MTHFD1L: variants seen among roughly 807,000 people sequenced by gnomAD.
MTHFD1L encodes methylenetetrahydrofolate dehydrogenase (NADP+ dependent) 1 like, also known as monofunctional C1-tetrahydrofolate synthase, mitochondrial.
A neutral mutation model predicts 119.5 loss-of-function variants in MTHFD1L; 81 were observed. The ratio of observed to expected loss-of-function variants is 0.68; its 90% confidence interval spans 0.57 to 0.82. The LOEUF (loss-of-function observed/expected upper bound fraction) is 0.82, where lower values mean the gene tolerates loss of function less well. Ranked by LOEUF, MTHFD1L falls within the 40% of genes least tolerant of loss-of-function variation. The probability of loss-of-function intolerance (pLI) is 0.00; values close to 1 mark genes in which losing one functional copy is unlikely to be tolerated. For synonymous variants in MTHFD1L, 430 were observed against 475.2 expected (o/e 0.90, Z 1.24); for missense variants, 1,125 against 1,253.4 (o/e 0.90, Z 1.55).
At chr6:150,868,178 T>G (rs192690363) in intron 1 of MTHFD1L, among the ~76,000 whole-genome samples, 2 of 152,218 alleles carry the variant, frequency 1.3e-5, no homozygotes, top group Admixed American at 1.3e-4. Flanking sequence ...CTTTAGGGCC[T>G]GCACTGGGTT....
chr6:151,099,662 G>T, intron 27 of MTHFD1L: 1 of 1,605,074 alleles, frequency 6.2e-7, no homozygotes, highest in Non-Finnish European at 8.5e-7. Context: ...AACAGGGTTC[G>T]TAGAAGATTC....
At chr6:150,898,536 G>A (rs925487783) in intron 7 of MTHFD1L, among the ~76,000 whole-genome samples, 4 of 152,198 alleles carry the variant, frequency 2.6e-5, no homozygotes. Context: ...CCCCTGCAAC[G>A]GCAGTTTGCA....
At chr6:151,099,979 C>T (rs1795229791) in intron 27 of MTHFD1L, 1 of 808,254 alleles carries the variant, frequency 1.2e-6, no homozygotes, top group Admixed American at 2.0e-5. Flanking sequence ...TAAAAACAGC[C>T]ATCTGGCATC....
chr6:150,908,767 A>G (rs1304369201), intron 8 of MTHFD1L, among the ~76,000 whole-genome samples: 1 of 152,140 alleles, frequency 6.6e-6, no homozygotes, highest in Non-Finnish European at 1.5e-5. Context: ...ATAGTCTACA[A>G]GTTTTAATTT....
chr6:150,997,445 G>C (rs1177826795), intron 20 of MTHFD1L, among the ~76,000 whole-genome samples: 1 of 152,202 alleles, frequency 6.6e-6, no homozygotes, highest in African/African-American at 2.4e-5. Context: ...TAACAGTGAA[G>C]ATGTTTTTCT....
intron 5 of MTHFD1L, among the ~76,000 whole-genome samples, 191 bp from the exon 6 acceptor site, chr6:150,885,443 G>A (rs1583372741): frequency 6.6e-6 from 1 of 152,230 alleles, no homozygotes; most frequent in East Asian, 1.9e-4. Context: ...TGATCCACCC[G>A]CCTCAGCCTC....
intron 21 of MTHFD1L, among the ~76,000 whole-genome samples, chr6:151,011,549 T>C (rs1023513023): frequency 2.0e-5 from 3 of 152,232 alleles, no homozygotes; most frequent in Non-Finnish European, 4.4e-5. Flanking sequence ...TCCCATAGTT[T>C]TCCAGACTCT....
At chr6:151,048,030 C>A (rs1788374702) in intron 26 of MTHFD1L, among the ~76,000 whole-genome samples, 2 of 152,086 alleles carry the variant, frequency 1.3e-5, no homozygotes, top group Admixed American at 1.3e-4. Flanking sequence ...ACAACCAGAT[C>A]TCATGAGAAC....
rs1156899188 is a variant in MTHFD1L, at chr6:151,066,428, A to G, written c.2848-26039A>G. ...ACTCCAGCCTGGGCGACAGAGCAAGACTCCATCTCAAAAAAAAAAAAAAAA... is the reference window on the plus strand; with the variant it reads ...ACTCCAGCCTGGGCGACAGAGCAAGGCTCCATCTCAAAAAAAAAAAAAAAA... On this transcript the variant is annotated intron_variant, in intron 26 of 27. Transcript: ENST00000367321. 3.8e-5 allele frequency among the ~76,000 whole-genome samples: 4 copies of G among 104,498 alleles called. No individual in the cohort carries two copies. The East Asian group carries it at 1.3e-3, about 34-fold the overall frequency. The allele number at this position is 104,498 out of a possible 152,430, so 68.6% of individuals were successfully genotyped here. A position where few individuals can be genotyped will look rare whatever the true frequency, so the allele number is the denominator to read the frequency against.
At chr6:150,922,348 C>T (rs765611586) in intron 10 of MTHFD1L, 46 bp downstream of exon 10, 3 of 1,491,402 alleles carry the variant, frequency 2.0e-6, no homozygotes, top group Non-Finnish European at 2.8e-6. Flanking sequence ...CAGCACAGTG[C>T]CTTAGCCCTA....
chr6:150,943,334 T>A (rs193300372), intron 13 of MTHFD1L, among the ~76,000 whole-genome samples: 491 of 151,974 alleles, frequency 3.2e-3, no homozygotes, highest in Non-Finnish European at 5.3e-3. Flanking sequence ...TTGGTGATAT[T>A]ATCAAGATCC....
At chr6:151,017,174 T>C (rs1308130858) in intron 24 of MTHFD1L, among the ~76,000 whole-genome samples, 1 of 152,134 alleles carries the variant, frequency 6.6e-6, no homozygotes, top group Non-Finnish European at 1.5e-5. Flanking sequence ...AAACTGAAAC[T>C]GTACCCACTG....
intron 26 of MTHFD1L, among the ~76,000 whole-genome samples, chr6:151,072,639 AT>A (rs1200799193): frequency 6.6e-6 from 1 of 151,938 alleles, no homozygotes; most frequent in Admixed American, 6.6e-5. Context: ...AAATACAAAA[AT>A]TAGCCAGGCA....
At chr6:151,005,214 T>C (rs550350002) in intron 20 of MTHFD1L, among the ~76,000 whole-genome samples, 3 of 152,214 alleles carry the variant, frequency 2.0e-5, no homozygotes, top group South Asian at 4.1e-4. Flanking sequence ...TGGGTCTTCA[T>C]ATCAAGGCCC....
In MTHFD1L at chr6:150,904,108, C is replaced by T. The variant is rs1012748271; in HGVS notation, c.781-1542C>T. Among the ~76,000 whole-genome samples the T allele has an allele frequency of 4.6e-5, 7 of 152,170 alleles. 1 individual carries two copies. In the South Asian group the frequency reaches 1.2e-3, roughly 27 times the overall value. On this transcript the variant is annotated intron_variant, in intron 7 of 27. Transcript: ENST00000367321. Reference sequence around the variant, plus strand: ...TTTCTAAAAGGCATCACCTGATGCACCCTTTTGCCCAAATAGTGTTAAAAG... The same window carrying T: ...TTTCTAAAAGGCATCACCTGATGCATCCTTTTGCCCAAATAGTGTTAAAAG...
At chr6:150,887,763 G>C (rs775605064) in intron 6 of MTHFD1L, 82 bp from the exon 7 acceptor site, 30 of 1,429,548 alleles carry the variant, frequency 2.1e-5, no homozygotes, top group Admixed American at 5.2e-5. Context: ...AGCCTAAAAG[G>C]GTCTTTTTTT....
chr6:150,956,027 A>G lies in MTHFD1L; in HGVS notation c.1759A>G (p.Ile587Val), dbSNP rs1027253312. 2 of 1,614,196 alleles carry G rather than the reference A, an allele frequency of 1.2e-6. No individual in the cohort carries two copies. Among genetic ancestry groups the G allele is most frequent in the Non-Finnish European group, 1.7e-6 (2 of 1,180,010 alleles). The change falls in exon 17 of 28, where the codon ATA becomes GTA. Residue 587 changes from isoleucine to valine, a missense_variant. By Grantham distance (29) the Ile-to-Val change is conservative. Around this residue, in one of 3 missense-constraint regions of MTHFD1L, gnomAD observed 1,058 missense variants for 1,151.2 expected, o/e 0.92. Transcript: ENST00000367321. ...LDTNDRFLRK[I>V]TIGQGNTEKG... ...TACAAATGACCGATTTCTACGAAAA[A>G]TAACCATCGGGCAGGGAAACACAGA...
At chr6:150,876,042 C>A in intron 1 of MTHFD1L, 48 bp from the exon 2 acceptor site, 1 of 1,407,748 alleles carries the variant, frequency 7.1e-7, no homozygotes, top group Admixed American at 1.8e-5. Flanking sequence ...TCAGTCCTTT[C>A]TACTCATTAA....
At chr6:151,013,122 G>C (rs1414574869) in intron 21 of MTHFD1L, among the ~76,000 whole-genome samples, 2 of 152,210 alleles carry the variant, frequency 1.3e-5, no homozygotes, top group Non-Finnish European at 2.9e-5. Flanking sequence ...GTTTCACCCT[G>C]TAATGCCAGC....
Sources: allele counts gnomAD v4.1 joint callset (sites outside exome capture counted in the v4.1 genomes callset), GRCh38; gene constraint gnomAD v4.1.1; regional missense constraint gnomAD v4.1.1; transcripts MANE v1.5; gene names NCBI Gene and HGNC (gene_info 2026-07-23, HGNC 2026-07-21).